The following CEP112 variants were observed in gnomAD, a reference collection of about 807,000 sequenced individuals.
CEP112 encodes the protein centrosomal protein 112, also known as centrosomal protein of 112 kDa.
Under a neutral mutation model 153.0 loss-of-function variants are expected in CEP112, and 127 were observed. The observed-to-expected ratio is 0.83, with a 90% CI of 0.72 to 0.96. The LOEUF (loss-of-function observed/expected upper bound fraction) is 0.96, where lower values mean the gene tolerates loss of function less well. CEP112 is among the 40% of genes least tolerant of loss of function. The pLI is 0.00. For missense variants in CEP112, 1,089 were observed against 1,101.2 expected, an observed-to-expected ratio of 0.99 and a Z score of 0.16; for synonymous variants, 358 against 374.4, an observed-to-expected ratio of 0.96 and a Z score of 0.51.
intron 21 of CEP112, among the ~76,000 whole-genome samples, chr17:65,847,134 G>A (rs564162517): frequency 6.6e-6 from 1 of 152,220 alleles, no homozygotes; most frequent in African/African-American, 2.4e-5. Context: ...GTAAAAGAGA[G>A]TCTTCCCTTT....
chr17:65,761,559 C>T (rs1193816067), intron 21 of CEP112, among the ~76,000 whole-genome samples: 1 of 152,058 alleles, frequency 6.6e-6, no homozygotes, highest in Non-Finnish European at 1.5e-5. Context: ...TCTCTTTAAT[C>T]ACTGCTTTCT....
chr17:65,682,278 C>T (rs1289920382), intron 24 of CEP112, among the ~76,000 whole-genome samples: 2 of 152,164 alleles, frequency 1.3e-5, no homozygotes, highest in Non-Finnish European at 2.9e-5. Context: ...AGGCATGAGC[C>T]ACCGCGCCCA....
At chr17:65,872,511 T>C (rs2058698685) in intron 20 of CEP112, among the ~76,000 whole-genome samples, 1 of 152,170 alleles carries the variant, frequency 6.6e-6, no homozygotes, top group Admixed American at 6.5e-5. Context: ...AGTTATGAAA[T>C]TTAAGAAAAC....
chr17:66,051,009 TG>T (rs1013080174), intron 12 of CEP112, among the ~76,000 whole-genome samples: 89 of 152,312 alleles, frequency 5.8e-4, no homozygotes, highest in African/African-American at 2.1e-3. Context: ...TTCTTTTTTT[TG>T]GATCCATTGC....
chr17:65,648,436 G>T (rs1666361883), intron 24 of CEP112, among the ~76,000 whole-genome samples: 1 of 152,164 alleles, frequency 6.6e-6, no homozygotes, highest in Admixed American at 6.5e-5. Flanking sequence ...GCAATAGACT[G>T]CCCACTTTTC....
chr17:65,802,613 C>T (rs1428286303), intron 21 of CEP112, among the ~76,000 whole-genome samples: 2 of 152,146 alleles, frequency 1.3e-5, no homozygotes, highest in South Asian at 4.1e-4. Flanking sequence ...TCAAATCTTA[C>T]AACATTCCAC....
intron 26 of CEP112, 64 bp downstream of exon 26, chr17:65,637,060 G>C (rs2044808972): frequency 1.6e-6 from 2 of 1,224,646 alleles, no homozygotes; most frequent in East Asian, 2.3e-5. Flanking sequence ...GGCCAGACAA[G>C]GAGGCTCACA....
chr17:65,655,264 G>A, intron 24 of CEP112: 1 of 1,087,816 alleles, frequency 9.2e-7, no homozygotes, highest in Non-Finnish European at 1.4e-6. Context: ...CTATGGTGCA[G>A]ACTGCCTTTG....
At chr17:65,842,424 A>T (rs989002304) in intron 21 of CEP112, among the ~76,000 whole-genome samples, 4 of 152,126 alleles carry the variant, frequency 2.6e-5, no homozygotes, top group African/African-American at 9.7e-5. Context: ...AGTGCTCTTT[A>T]ATGTGCAGCA....
At chr17:66,080,066 A>G (rs1429177901) in intron 8 of CEP112, among the ~76,000 whole-genome samples, 1 of 152,104 alleles carries the variant, frequency 6.6e-6, no homozygotes. Flanking sequence ...CTAGAAGAAA[A>G]CCTAGGCAAT....
intron 19 of CEP112, among the ~76,000 whole-genome samples, chr17:65,922,557 G>A (rs1430226379): frequency 1.3e-5 from 2 of 151,802 alleles, no homozygotes; most frequent in South Asian, 2.1e-4. Flanking sequence ...GCCACACTTG[G>A]TTATAAATTT....
At chr17:66,113,300 AG>A (rs2069142937) in intron 6 of CEP112, among the ~76,000 whole-genome samples, 1 of 113,772 alleles carries the variant, frequency 8.8e-6, no homozygotes, top group Admixed American at 7.6e-5. Flanking sequence ...GGAATGTTGC[AG>A]GGTTTTGTAT....
At chr17:66,094,669 A>G (rs2068268855) in intron 8 of CEP112, among the ~76,000 whole-genome samples, 1 of 152,190 alleles carries the variant, frequency 6.6e-6, no homozygotes, top group Non-Finnish European at 1.5e-5. Context: ...CAAACTAAAA[A>G]GCTTCTGCAT....
At chr17:66,017,917 T>C (rs750933130) in intron 16 of CEP112, among the ~76,000 whole-genome samples, 20 of 152,056 alleles carry the variant, frequency 1.3e-4, no homozygotes, top group Non-Finnish European at 2.4e-4. Context: ...GGAGAATCTC[T>C]TGAACCCGAG....
rs183843235 is a variant in CEP112 at position 65,635,640 on chromosome 17, G to A, written c.*331C>T. 5.3e-5 allele frequency: 19 copies of A among 356,346 alleles called. No homozygotes were observed. The highest frequency in any genetic ancestry group is 6.3e-5 in the African/African-American group (3 of 47,656). 22.1% of individuals were successfully genotyped at this position (356,346 alleles called of 1,614,324 possible). A position where few individuals can be genotyped will look rare whatever the true frequency, so the allele number is the denominator to read the frequency against. On this transcript the variant is annotated 3_prime_UTR_variant, in exon 27 of 27. Transcript: ENST00000535342. ...TGATACTACAAACGTGATTTTGATC[G>A]TACGCAACTGGTAAAATTCTATGCA...
intron 8 of CEP112, 144 bp from the exon 9 acceptor site, chr17:66,070,145 T>C: frequency 1.7e-6 from 1 of 594,120 alleles, no homozygotes; most frequent in Middle Eastern, 4.4e-4. Flanking sequence ...AGCAATCACA[T>C]TACATATACC....
chr17:66,176,256 T>C (rs1284818947), intron 3 of CEP112, among the ~76,000 whole-genome samples: 4 of 152,174 alleles, frequency 2.6e-5, no homozygotes, highest in Non-Finnish European at 5.9e-5. Flanking sequence ...GGCACTCAAA[T>C]ACCAAACAAA....
chr17:65,940,533 A>C (rs765628604), intron 18 of CEP112, among the ~76,000 whole-genome samples: 1 of 152,192 alleles, frequency 6.6e-6, no homozygotes, highest in South Asian at 2.1e-4. Context: ...TGGCATGTAT[A>C]TATCTTGGAA....
At position 65,635,769 on chromosome 17, in the gene CEP112, T is replaced by C; in HGVS notation, c.*202A>G. On this transcript the variant is annotated 3_prime_UTR_variant, in exon 27 of 27. Transcript: ENST00000535342. ...AACATGAAAATCGGAAATAAAGGAA[T>C]GTTAAAAAAATAACTTAGGCAGACA... 1 of 576,554 alleles carries C rather than the reference T, an allele frequency of 1.7e-6. No individual in the cohort carries two copies. Among genetic ancestry groups the C allele is most frequent in the Non-Finnish European group, 3.0e-6 (1 of 330,748 alleles). 35.7% of individuals were successfully genotyped at this position (576,554 alleles called of 1,614,324 possible). A position where few individuals can be genotyped will look rare whatever the true frequency, so the allele number is the denominator to read the frequency against.
Sources: gnomAD v4.1 joint callset for allele counts (sites outside exome capture counted in the v4.1 genomes callset) on GRCh38, gnomAD v4.1.1 for gene constraint, MANE v1.5 for transcripts, NCBI Gene and HGNC (gene_info 2026-07-23, HGNC 2026-07-21) for gene names.